Variants in COLEC10 observed in about 807,000 individuals in gnomAD.
COLEC10 encodes collectin-10.
COLEC10 carries 22 observed loss-of-function variants against 28.4 expected under a neutral mutation model. That is an observed-to-expected ratio of 0.78 (90% CI 0.55 to 1.11). The LOEUF (loss-of-function observed/expected upper bound fraction) is 1.11. Ranked by LOEUF, COLEC10 falls within the 50% of genes least tolerant of loss-of-function variation. The pLI, the probability that COLEC10 is intolerant of heterozygous loss-of-function variation, is 0.00. For missense variants in COLEC10, 361 were observed against 344.1 expected (o/e 1.05, Z -0.39); for synonymous variants, 125 against 116.1 (o/e 1.08, Z -0.49).
At chr8:119,032,615 C>A (rs1443698542) in intron 2 of COLEC10, among the ~76,000 whole-genome samples, 2 of 152,128 alleles carry the variant, frequency 1.3e-5, no homozygotes, top group Non-Finnish European at 2.9e-5. Context: ...TAAACAAAGG[C>A]CTTCTGCCCC....
At chr8:119,010,701 G>A (rs1813887823) in intron 2 of COLEC10, among the ~76,000 whole-genome samples, 1 of 150,970 alleles carries the variant, frequency 6.6e-6, no homozygotes, top group Admixed American at 6.6e-5. Flanking sequence ...CATTCAAATG[G>A]GTTTGTAAAG....
At chr8:118,968,568 T>TATATAC in the COLEC10 span, among the ~76,000 whole-genome samples, 1 of 151,662 alleles carries the variant, frequency 6.6e-6, no homozygotes, top group African/African-American at 2.4e-5. Flanking sequence ...AGTCTTTATA[T>TATATAC]ATATACATAT....
At chr8:119,069,630 ATATATAT>A (rs1165245141) in intron 1 of COLEC10, among the ~76,000 whole-genome samples, 332 of 28,808 alleles carry the variant, frequency 0.012, 7 homozygotes, top group African/African-American at 0.023. Flanking sequence ...AAAAAAAAAA[ATATATAT>A]ATATATATAT....
chr8:118,955,694 G>GGGA, the COLEC10 span, among the ~76,000 whole-genome samples: 1 of 152,204 alleles, frequency 6.6e-6, no homozygotes, highest in Non-Finnish European at 1.5e-5. Context: ...GAGGTGGGGA[G>GGGA]GGAGAGCCTT....
At chr8:118,959,134 A>G in the COLEC10 span, among the ~76,000 whole-genome samples, 1 of 152,198 alleles carries the variant, frequency 6.6e-6, no homozygotes, top group Non-Finnish European at 1.5e-5. Context: ...AGATGAAAGG[A>G]AGACAAAAGC....
intron 2 of COLEC10, among the ~76,000 whole-genome samples, chr8:119,028,164 C>T (rs936164522): frequency 6.6e-6 from 1 of 152,080 alleles, no homozygotes; most frequent in African/African-American, 2.4e-5. Context: ...TCTTATACAT[C>T]TTTGTTTCTT....
At chr8:118,975,894 G>T in the COLEC10 span, among the ~76,000 whole-genome samples, 1 of 152,060 alleles carries the variant, frequency 6.6e-6, no homozygotes, top group Non-Finnish European at 1.5e-5. Context: ...AGCTGACCAG[G>T]CTTCTGGGTC....
At chr8:119,040,955 AG>A (rs1814483647) in intron 2 of COLEC10, among the ~76,000 whole-genome samples, 1 of 152,238 alleles carries the variant, frequency 6.6e-6, no homozygotes, top group African/African-American at 2.4e-5. Flanking sequence ...TGAGATCTAA[AG>A]AGGACAATCC....
intron 2 of COLEC10, among the ~76,000 whole-genome samples, chr8:119,022,657 G>A (rs1814120247): frequency 6.6e-6 from 1 of 151,922 alleles, no homozygotes; most frequent in African/African-American, 2.4e-5. Context: ...TGTATGAAGG[G>A]CACTCACCTC....
chr8:119,042,360 T>C (rs116400361), intron 2 of COLEC10, among the ~76,000 whole-genome samples: 2,563 of 152,164 alleles, frequency 0.017, 31 homozygotes, highest in Middle Eastern at 0.031. Context: ...CTTTATAATG[T>C]ATTATGTTTT....
intron 2 of COLEC10, among the ~76,000 whole-genome samples, chr8:119,019,152 T>C (rs1296194152): frequency 6.6e-6 from 1 of 152,192 alleles, no homozygotes; most frequent in Non-Finnish European, 1.5e-5. Context: ...GTAAGTGTCA[T>C]AAACAGATGG....
chr8:119,047,604 T>C (rs578073579), intron 2 of COLEC10, among the ~76,000 whole-genome samples: 2 of 152,354 alleles, frequency 1.3e-5, no homozygotes, highest in East Asian at 3.9e-4. Context: ...ATAATAGTAA[T>C]CTATTCATGT....
intron 2 of COLEC10, among the ~76,000 whole-genome samples, chr8:119,029,955 C>T (rs1662129559): frequency 6.6e-6 from 1 of 152,106 alleles, no homozygotes; most frequent in Admixed American, 6.5e-5. Context: ...AAAAGTGTCT[C>T]CTTAACTATA....
chr8:119,002,313 T>C (rs1905785), intron 1 of COLEC10, among the ~76,000 whole-genome samples: 35,315 of 151,954 alleles, frequency 0.23, 4,302 homozygotes, highest in East Asian at 0.37. Context: ...GGTAGTATAG[T>C]TTCTTGAAAT....
rs970520321 is a variant in COLEC10, at chr8:119,052,579, C to T, written n.236-37101C>T. ...ATTCATTATGTCCTCTTAAAGTTCC[C>T]CATGTCTCCATTGACTCACAGAAGA... On this transcript the variant is annotated intron_variant and non_coding_transcript_variant, in intron 2 of 6. Coordinates refer to the COLEC10 transcript ENST00000521788. Among the ~76,000 whole-genome samples the T allele has an allele frequency of 9.2e-5, 14 of 152,160 alleles. No homozygotes were observed. The East Asian group carries it at 2.3e-3, about 25-fold the overall frequency.
rs900921340 is a variant in COLEC10 at position 119,108,280 on chromosome 8, C to A, written c.*2089C>A. Among the ~76,000 whole-genome samples the A allele has an allele frequency of 6.6e-6, 1 of 152,108 alleles. No homozygotes were observed. The highest frequency in any genetic ancestry group is 1.5e-5 in the Non-Finnish European group (1 of 68,024). On this transcript the variant is annotated 3_prime_UTR_variant, in exon 6 of 6. Coordinates refer to ENST00000332843, the MANE Select transcript of COLEC10 (RefSeq NM_006438.5). ...GAAACACCTGTAGGAAAATAAAGCT[C>A]ATATGTAAGAAGAGAGGAAGGAGAG... is the stretch of plus-strand genomic sequence containing the variant.
At chr8:118,955,296 GTA>G in the COLEC10 span, among the ~76,000 whole-genome samples, 3 of 152,158 alleles carry the variant, frequency 2.0e-5, no homozygotes, top group African/African-American at 7.2e-5. Flanking sequence ...GTATATGTGG[GTA>G]TGTCTTTTAA....
chr8:119,107,315 C>T lies in COLEC10; in HGVS notation c.*1124C>T, dbSNP rs539338407. Among the ~76,000 whole-genome samples the T allele has an allele frequency of 2.0e-5, 3 of 152,268 alleles. No homozygotes were observed. Among genetic ancestry groups the T allele is most frequent in the African/African-American group, 7.2e-5 (3 of 41,564 alleles). On this transcript the variant is annotated 3_prime_UTR_variant, in exon 6 of 6. Coordinates refer to ENST00000332843, the MANE Select transcript of COLEC10 (RefSeq NM_006438.5). ...ACAGAAATGTGTGAGGCACAGAATT[C>T]GGAACATGCTTAGAACTCACATTTA... is the stretch of plus-strand genomic sequence containing the variant.
intron 1 of COLEC10, among the ~76,000 whole-genome samples, chr8:118,999,646 T>A (rs1646533921): frequency 6.7e-6 from 1 of 148,776 alleles, no homozygotes; most frequent in African/African-American, 2.5e-5. Context: ...TTCCTCAAGA[T>A]GGAAAAAAGA....
Sources: allele counts gnomAD v4.1 joint callset (sites outside exome capture counted in the v4.1 genomes callset), GRCh38; gene constraint gnomAD v4.1.1; transcripts MANE v1.5; gene names NCBI Gene and HGNC (gene_info 2026-07-23, HGNC 2026-07-21).